Variants in SNX1 observed in about 807,000 individuals in gnomAD.
The protein encoded by SNX1 is sorting nexin 1.
In SNX1, 36 loss-of-function variants were observed where a neutral mutation model predicts 71.8. The ratio of observed to expected loss-of-function variants is 0.50; its 90% CI spans 0.38 to 0.66. The LOEUF (loss-of-function observed/expected upper bound fraction) is 0.66, where lower values mean the gene tolerates loss of function less well. SNX1 is among the 30% of genes least tolerant of loss of function. The pLI is 0.00. For synonymous variants in SNX1, 254 were observed against 240.7 expected (o/e 1.06, Z -0.51); for missense variants, 612 against 646.7 (o/e 0.95, Z 0.58).
intron 4 of SNX1, among the ~76,000 whole-genome samples, chr15:64,122,264 ATTTCT>A (rs893151158): frequency 6.7e-6 from 1 of 148,376 alleles, no homozygotes; most frequent in African/African-American, 2.6e-5. Context: ...ATAAACTTAG[ATTTCT>A]TTTTTTTTTT....
At position 64,134,810 on chromosome 15, in the gene SNX1, G is replaced by A. The variant is rs569190719; in HGVS notation, c.1365+3G>A. On this transcript the variant is annotated splice_donor_region_variant and intron_variant, in intron 12 of 14. Coordinates refer to ENST00000559844, the MANE Select transcript of SNX1 (RefSeq NM_003099.5). This position sits in a 1 kb window ranked among gnomAD's most constrained non-coding sequence, Gnocchi z 4.1. ...AGGCCAAGGACGAGATCCTCGAGGT[G>A]AGTCCACTGAGGCAGCCCAGCCAGG... 9.3e-6 allele frequency: 15 copies of A among 1,613,748 alleles called. 1 individual carries two copies. In the African/African-American group the frequency reaches 1.7e-4, roughly 19 times the overall value.
intron 1 of SNX1, among the ~76,000 whole-genome samples, chr15:64,101,363 A>C (rs1338290819): frequency 6.6e-6 from 1 of 152,216 alleles, no homozygotes; most frequent in Non-Finnish European, 1.5e-5. Flanking sequence ...GGAGTCAAAT[A>C]GTATTTGTTT....
At chr15:64,127,885 GT>G in intron 8 of SNX1, 79 bp downstream of exon 8, 1 of 1,043,216 alleles carries the variant, frequency 9.6e-7, no homozygotes. Flanking sequence ...CCAAAAATAT[GT>G]GAGCACTTAA....
chr15:64,103,088 A>G (rs2080981753), intron 1 of SNX1, among the ~76,000 whole-genome samples: 2 of 152,046 alleles, frequency 1.3e-5, no homozygotes, highest in Non-Finnish European at 2.9e-5. Context: ...TTCTTTATCC[A>G]TTCATCCATT....
At chr15:64,126,033 C>T in intron 5 of SNX1, 46 bp from the exon 6 acceptor site, 1 of 1,602,258 alleles carries the variant, frequency 6.2e-7, no homozygotes, top group South Asian at 1.1e-5. Context: ...AAGATACCAT[C>T]CCCTATTTGG....
Position 64,137,946 on chromosome 15 carries a change from T to C in SNX1, c.*328T>C, listed in dbSNP as rs2081377086. ...TGTGGTTTAGGAACTGGGAATAACG[T>C]TTTCTGTTACTCCTGATGGTGCCAT... On this transcript the variant is annotated 3_prime_UTR_variant, in exon 15 of 15. Coordinates refer to ENST00000559844, the MANE Select transcript of SNX1 (RefSeq NM_003099.5). 7.0e-7 allele frequency: 1 copy of C among 1,421,504 alleles called. No individual in the cohort carries two copies. Among genetic ancestry groups the C allele is most frequent in the Non-Finnish European group, 9.1e-7 (1 of 1,095,064 alleles). 88.1% of individuals were successfully genotyped at this position (1,421,504 alleles called of 1,614,324 possible). A position where few individuals can be genotyped will look rare whatever the true frequency, so the allele number is the denominator to read the frequency against.
intron 1 of SNX1, among the ~76,000 whole-genome samples, chr15:64,104,809 CG>C (rs1303736168): frequency 6.6e-6 from 1 of 151,130 alleles, no homozygotes; most frequent in East Asian, 2.0e-4. Context: ...CACTTGAACC[CG>C]GGAGGCAGAG....
At chr15:64,120,889 T>C (rs977254987) in intron 4 of SNX1, among the ~76,000 whole-genome samples, 1 of 152,134 alleles carries the variant, frequency 6.6e-6, no homozygotes, top group Non-Finnish European at 1.5e-5. Context: ...GTTTTACTTT[T>C]CCCAGACTGT....
At chr15:64,101,659 T>C (rs1239488996) in intron 1 of SNX1, among the ~76,000 whole-genome samples, 3 of 152,202 alleles carry the variant, frequency 2.0e-5, no homozygotes, top group Admixed American at 2.0e-4. Flanking sequence ...AGTTCTATTT[T>C]CAATTGTTTG....
chr15:64,140,994 T>C lies in SNX1; in HGVS notation c.*3376T>C, dbSNP rs2081407429. 1 of 146,680 alleles carries C rather than the reference T, an allele frequency of 6.8e-6. No homozygotes were observed. Among genetic ancestry groups the C allele is most frequent in the African/African-American group, 2.7e-5 (1 of 36,552 alleles). 9.1% of individuals were successfully genotyped at this position (146,680 alleles called of 1,614,324 possible). A position where few individuals can be genotyped will look rare whatever the true frequency, so the allele number is the denominator to read the frequency against. ...ACAGTGCAAAGAGATGATAGATAGATAGATAGATAGATAGATAGATAGATA... is the reference window on the plus strand; with the variant it reads ...ACAGTGCAAAGAGATGATAGATAGACAGATAGATAGATAGATAGATAGATA... On this transcript the variant is annotated 3_prime_UTR_variant, in exon 15 of 15. Coordinates refer to ENST00000559844, the MANE Select transcript of SNX1 (RefSeq NM_003099.5).
In SNX1 at chr15:64,123,522, T is replaced by G. The variant is rs774971028; in HGVS notation, c.486T>G (p.Tyr162Ter). The change falls in exon 5 of 15, where the codon TAT becomes TAG. Residue 162 changes from tyrosine to a stop codon, truncating the protein, a stop_gained. Transcript: ENST00000559844. LOFTEE classifies it high-confidence loss of function. ...TCACAGGGGATGGTATGAATGCATA[T>G]GTAGCCTACAAAGTTACAACACAGG... Reference protein sequence around the residue: ...PEKIGDGMNAYVAYKVTTQTS... With the variant: ...PEKIGDGMNA 3 of 1,613,960 alleles carry G rather than the reference T, an allele frequency of 1.9e-6. No individual in the cohort carries two copies.
At chr15:64,128,162 G>A (rs2081272583) in intron 8 of SNX1, among the ~76,000 whole-genome samples, 1 of 152,218 alleles carries the variant, frequency 6.6e-6, no homozygotes, top group Admixed American at 6.5e-5. Flanking sequence ...ACAAACCACA[G>A]AACTACCATG....
At chr15:64,124,778 A>G (rs950777833) in intron 5 of SNX1, among the ~76,000 whole-genome samples, 7 of 152,174 alleles carry the variant, frequency 4.6e-5, no homozygotes, top group Non-Finnish European at 8.8e-5. Context: ...TACTGCAAAT[A>G]TTGGACACAA....
chr15:64,134,962 C>T lies in SNX1; in HGVS notation c.1365+155C>T, dbSNP rs909913734. Reference sequence around the variant, plus strand: ...CTGAGGAAGCCTCTGAGAATGACTCCAGGCCTTCCTGAGGCCTAGTCCCCC... The same window carrying T: ...CTGAGGAAGCCTCTGAGAATGACTCTAGGCCTTCCTGAGGCCTAGTCCCCC... On this transcript the variant is annotated intron_variant, in intron 12 of 14. Coordinates refer to ENST00000559844, the MANE Select transcript of SNX1 (RefSeq NM_003099.5). The surrounding 1 kb of genome is among the most constrained non-coding windows in gnomAD (Gnocchi z 4.1). 32 of 919,748 alleles carry T rather than the reference C, an allele frequency of 3.5e-5. No homozygotes were observed. The highest frequency in any genetic ancestry group is 4.6e-5 in the Non-Finnish European group (29 of 625,838). 57.0% of individuals were successfully genotyped at this position (919,748 alleles called of 1,614,324 possible).
At chr15:64,116,993 A>G (rs1336345708) in intron 2 of SNX1, among the ~76,000 whole-genome samples, 1 of 152,212 alleles carries the variant, frequency 6.6e-6, no homozygotes, top group Non-Finnish European at 1.5e-5. Context: ...ATTGGATAGC[A>G]TATAGTAAGT....
At chr15:64,116,182 A>G (rs2081127183) in intron 2 of SNX1, among the ~76,000 whole-genome samples, 1 of 152,250 alleles carries the variant, frequency 6.6e-6, no homozygotes, top group Non-Finnish European at 1.5e-5. Flanking sequence ...GAAAGTTATT[A>G]AGAAAATCAT....
Position 64,126,090 on chromosome 15 carries a change from A to T in SNX1, c.522A>T (p.Pro174=), listed in dbSNP as rs532879409. The change falls in exon 6 of 15, where the codon CCA becomes CCT. Residue 174 remains proline (P), a synonymous_variant. Coordinates refer to ENST00000559844, the MANE Select transcript of SNX1 (RefSeq NM_003099.5). ...TTCCTGTCCCCAAGACAAGCTTACCATTGTTCAGAAGCAAACAGTTTGCAG... is the reference window on the plus strand; with the variant it reads ...TTCCTGTCCCCAAGACAAGCTTACCTTTGTTCAGAAGCAAACAGTTTGCAG... The part of the protein sequence containing the change: ...AYKVTTQTSL[P]LFRSKQFAVK... The T allele has an allele frequency of 2.3e-5, 37 of 1,613,962 alleles. 1 individual carries two copies. The African/African-American group carries it at 2.4e-4, about 10-fold the overall frequency.
At chr15:64,119,149 C>T (rs1193648365) in intron 4 of SNX1, among the ~76,000 whole-genome samples, 2 of 152,044 alleles carry the variant, frequency 1.3e-5, no homozygotes, top group African/African-American at 4.8e-5. Context: ...GACAAGGCCT[C>T]ATTTTGTCAC....
At chr15:64,103,620 C>G (rs1474101504) in intron 1 of SNX1, among the ~76,000 whole-genome samples, 1 of 152,042 alleles carries the variant, frequency 6.6e-6, no homozygotes, top group Non-Finnish European at 1.5e-5. Flanking sequence ...TTTGTTTATG[C>G]TTTATGGAAA....
Sources: gnomAD v4.1 joint callset for allele counts (sites outside exome capture counted in the v4.1 genomes callset) on GRCh38, gnomAD v4.1.1 for gene constraint, Gnocchi (gnomAD v3.1) non-coding constraint, MANE v1.5 for transcripts, NCBI Gene and HGNC (gene_info 2026-07-23, HGNC 2026-07-21) for gene names.